The following SLC7A6OS variants were observed in gnomAD, a reference collection of about 807,000 sequenced individuals.
The protein encoded by SLC7A6OS is solute carrier family 7 member 6 opposite strand.
Under a neutral mutation model 34.3 loss-of-function variants are expected in SLC7A6OS, and 22 were observed. That is an observed-to-expected ratio of 0.64 (90% confidence interval 0.46 to 0.92). The LOEUF (loss-of-function observed/expected upper bound fraction) is 0.92, where lower values mean the gene tolerates loss of function less well. SLC7A6OS is among the 40% of genes least tolerant of loss of function. The pLI is 0.00. For missense variants in SLC7A6OS, 434 were observed against 407.7 expected, an observed-to-expected ratio of 1.06 and a Z score of -0.56; for synonymous variants, 199 against 165.0, an observed-to-expected ratio of 1.21 and a Z score of -1.58.
Position 68,310,635 on chromosome 16 carries a change from AG to A in SLC7A6OS, c.193-23del, listed in dbSNP as rs1451700190. The A allele has an allele frequency of 3.2e-6, 5 of 1,585,934 alleles. No individual in the cohort carries two copies. The Admixed American group carries it at 8.5e-5, about 27-fold the overall frequency. ...CCTCCTAGGGGGCAACAGGGGACGG[AG>A]GCCAGCGTAAGCAGGAGTTCGCGAG... is the stretch of plus-strand genomic sequence containing the variant. On this transcript the variant is annotated intron_variant, in intron 1 of 4. Transcript: ENST00000263997.
At chr16:68,306,095 T>C (rs1178540054) in intron 2 of SLC7A6OS, among the ~76,000 whole-genome samples, 1 of 152,160 alleles carries the variant, frequency 6.6e-6, no homozygotes, top group Non-Finnish European at 1.5e-5. Flanking sequence ...AAATGACAGA[T>C]ACAGAATTTT....
chr16:68,307,032 A>G (rs2043332118), intron 2 of SLC7A6OS, among the ~76,000 whole-genome samples: 1 of 152,214 alleles, frequency 6.6e-6, no homozygotes, highest in African/African-American at 2.4e-5. Context: ...TACACACAGC[A>G]TTTTGTACTG....
At chr16:68,305,560 A>T (rs2043320655) in intron 2 of SLC7A6OS, among the ~76,000 whole-genome samples, 1 of 152,176 alleles carries the variant, frequency 6.6e-6, no homozygotes. Flanking sequence ...ACGCAGGAAA[A>T]TGGGGAAGAT....
intron 2 of SLC7A6OS, among the ~76,000 whole-genome samples, chr16:68,309,013 A>G (rs976491805): frequency 2.0e-5 from 3 of 150,842 alleles, no homozygotes; most frequent in East Asian, 2.0e-4. Context: ...CATCATGCCA[A>G]TGCACTCTAG....
chr16:68,310,458 C>A lies in SLC7A6OS; in HGVS notation c.348G>T (p.Ser116=). Residue 116 remains serine (S), a synonymous_variant, in exon 2 of 5, where the codon TCG becomes TCT. Transcript: ENST00000263997. ...GCGTGTACTCGGACTCCTGGCCGCT[C>A]GAGGTGGTCCCCAAGGATCGGCGGC... ...LSSRRSLGTT[S]SGQESEYTPG... The A allele has an allele frequency of 6.2e-7, 1 of 1,601,838 alleles. No homozygotes were observed.
chr16:68,301,407 T>C lies in SLC7A6OS; in HGVS notation c.800-2A>G. 6.2e-7 allele frequency: 1 copy of C among 1,613,064 alleles called. No homozygotes were observed. The highest frequency in any genetic ancestry group is 2.2e-5 in the East Asian group (1 of 44,818). On this transcript the variant is annotated splice_acceptor_variant, in intron 4 of 4. Transcript: ENST00000263997. LOFTEE classifies it high-confidence loss of function. ...TCAGGCTGTTGTAGTCAGCAGAGCC[T>C]AGAATGACATCCCGGGAGTGGATTC... is the stretch of plus-strand genomic sequence containing the variant.
intron 2 of SLC7A6OS, among the ~76,000 whole-genome samples, 153 bp from the exon 3 acceptor site, chr16:68,304,385 G>C (rs2043311205): frequency 6.6e-6 from 1 of 152,040 alleles, no homozygotes; most frequent in Admixed American, 6.6e-5. Context: ...CAGTGGCGTG[G>C]TCTTGGCTCA....
At chr16:68,303,917 A>T in intron 3 of SLC7A6OS, 109 bp downstream of exon 3, 1 of 987,078 alleles carries the variant, frequency 1.0e-6, no homozygotes, top group South Asian at 1.6e-5. Flanking sequence ...CAGGAGGAAA[A>T]GAACTAAGGA....
Position 68,301,027 on chromosome 16 carries a change from G to GT in SLC7A6OS, c.*247dup, listed in dbSNP as rs904540749. The GT allele has an allele frequency of 1.4e-3, 1,570 of 1,139,194 alleles. No homozygotes were observed. The highest frequency in any genetic ancestry group is 5.4e-3 in the East Asian group (123 of 22,764). 70.6% of individuals were successfully genotyped at this position (1,139,194 alleles called of 1,614,324 possible). ...CTAAAGAAACCTTCCTTTTTTCAAC[G>GT]TTTTTTTTTCTTTCAAACTGTAGGG... On this transcript the variant is annotated 3_prime_UTR_variant, in exon 5 of 5. Coordinates refer to ENST00000263997, the MANE Select transcript of SLC7A6OS (RefSeq NM_032178.3).
chr16:68,302,265 G>C, intron 4 of SLC7A6OS, 116 bp downstream of exon 4: 2 of 1,263,828 alleles, frequency 1.6e-6, no homozygotes, highest in South Asian at 2.7e-5. Flanking sequence ...AGTTGCGGCT[G>C]GGCTGCTGGC....
chr16:68,304,298 C>T (rs1472283086), intron 2 of SLC7A6OS, 66 bp from the exon 3 acceptor site: 1 of 1,452,074 alleles, frequency 6.9e-7, no homozygotes, highest in Non-Finnish European at 9.7e-7. Flanking sequence ...AGAGGAGGAA[C>T]CTATGAGTTG....
rs1169187547 is a variant in SLC7A6OS at position 68,310,351 on chromosome 16, G to A, written c.455C>T (p.Ser152Phe). 2 of 1,606,078 alleles carry A rather than the reference G, an allele frequency of 1.2e-6. No individual in the cohort carries two copies. The highest frequency in any genetic ancestry group is 1.7e-5 in the Admixed American group (1 of 59,756). Residue 152 changes from serine (S) to phenylalanine (F), a missense_variant, in exon 2 of 5, where the codon TCT (serine) becomes TTT (phenylalanine). Physicochemically the swap from Ser to Phe is radical, Grantham distance 155. Transcript: ENST00000263997. ...CATACTCACTTTGCAGGAGCCTGCA[G>A]AGGCGGCTTCAGGTTCTCCCTCCTC... ...VHEEGEPEAA[S>F]AGSCKTSDPD...
At chr16:68,306,227 TTC>T (rs1485185955) in intron 2 of SLC7A6OS, among the ~76,000 whole-genome samples, 3 of 152,232 alleles carry the variant, frequency 2.0e-5, no homozygotes, top group Non-Finnish European at 4.4e-5. Flanking sequence ...ATTATTTTTT[TTC>T]TTTTTTGAGA....
In SLC7A6OS at chr16:68,299,739, G is replaced by A. The variant is rs1429100998; in HGVS notation, c.*1536C>T. 6.6e-6 allele frequency: 1 copy of A among 152,162 alleles called. No homozygotes were observed. Among genetic ancestry groups the A allele is most frequent in the Non-Finnish European group, 1.5e-5 (1 of 68,040 alleles). The allele number at this position is 152,162 out of a possible 1,614,324, so 9.4% of individuals were successfully genotyped here. Reference sequence around the variant, plus strand: ...TCAATCCTTTGTTTCTATGCCTACAGACAGAAAGCAAGATGTCTAATATTA... The same window carrying A: ...TCAATCCTTTGTTTCTATGCCTACAAACAGAAAGCAAGATGTCTAATATTA... On this transcript the variant is annotated 3_prime_UTR_variant, in exon 5 of 5. Transcript: ENST00000263997.
rs199568667 is a variant in SLC7A6OS at position 68,310,813 on chromosome 16, C to G, written c.114G>C (p.Ala38=). 1.7e-5 allele frequency: 27 copies of G among 1,613,708 alleles called. No homozygotes were observed. In the East Asian group the frequency reaches 5.3e-4, roughly 32 times the overall value. Residue 38 remains alanine, a synonymous_variant, in exon 1 of 5, where the codon GCG becomes GCC. Transcript: ENST00000263997. ...CCAAACCCTCCGACGTCTTCTGTGC[C>G]GCTGACTCGACCGCGTCGCTCCGGA... ...KRLRSDAVES[A]AQKTSEGLER... is the part of the protein sequence containing the mutation.
intron 2 of SLC7A6OS, among the ~76,000 whole-genome samples, chr16:68,307,189 A>G (rs1183964537): frequency 1.3e-5 from 2 of 152,208 alleles, no homozygotes; most frequent in African/African-American, 2.4e-5. Flanking sequence ...GCATTTGAAA[A>G]GTATCTCACT....
Position 68,310,476 on chromosome 16 carries a change from T to C in SLC7A6OS, c.330A>G (p.Arg110=). Residue 110 remains arginine, a synonymous_variant, in exon 2 of 5, where the codon CGA becomes CGG. Transcript: ENST00000263997. ...GGCCGCTCGAGGTGGTCCCCAAGGA[T>C]CGGCGGCTGGAAAGCACCCGGTAGC... is the stretch of plus-strand genomic sequence containing the variant. ...EGRYRVLSSR[R]SLGTTSSGQE... The C allele has an allele frequency of 6.3e-7, 1 of 1,597,102 alleles. No individual in the cohort carries two copies. The highest frequency in any genetic ancestry group is 8.5e-7 in the Non-Finnish European group (1 of 1,172,452).
In SLC7A6OS at chr16:68,310,711, C is replaced by T. The variant is rs778690185; in HGVS notation, c.192+24G>A. ...CGGCTGCACCCGAAGATGCCCTCCA[C>T]ACCAGCTGCACCACGCCCAATACCT... On this transcript the variant is annotated intron_variant, in intron 1 of 4. Coordinates refer to ENST00000263997, the MANE Select transcript of SLC7A6OS (RefSeq NM_032178.3). 11 of 1,591,390 alleles carry T rather than the reference C, an allele frequency of 6.9e-6. No homozygotes were observed. The African/African-American group carries it at 1.5e-4, about 21-fold the overall frequency.
rs757020969 is a variant in SLC7A6OS, at chr16:68,310,822, G to A, written c.105C>T (p.Val35=). ...LACKRLRSDA[V]ESAAQKTSEG... ...CCGACGTCTTCTGTGCCGCTGACTC[G>A]ACCGCGTCGCTCCGGAGGCGTTTAC... Residue 35 remains valine (V), a synonymous_variant, in exon 1 of 5, where the codon GTC becomes GTT. Coordinates refer to ENST00000263997, the MANE Select transcript of SLC7A6OS (RefSeq NM_032178.3). 2.5e-6 allele frequency: 4 copies of A among 1,613,592 alleles called. No individual in the cohort carries two copies. Among genetic ancestry groups the A allele is most frequent in the South Asian group, 1.1e-5 (1 of 91,084 alleles).
Sources: gnomAD v4.1 joint callset for allele counts (sites outside exome capture counted in the v4.1 genomes callset) on GRCh38, gnomAD v4.1.1 for gene constraint, MANE v1.5 for transcripts, NCBI Gene and HGNC (gene_info 2026-07-23, HGNC 2026-07-21) for gene names.